MRPL10: variants seen among roughly 807,000 people sequenced by gnomAD.
MRPL10 encodes the protein large ribosomal subunit protein uL10m.
A neutral mutation model predicts 19.8 loss-of-function variants in MRPL10; 14 were observed. That is an observed-to-expected ratio of 0.71 (90% CI 0.47 to 1.11). MRPL10 has a LOEUF of 1.11. Among genes scored for constraint, MRPL10 ranks in the 50% least tolerant of loss-of-function variants. MRPL10 has a pLI of 0.00. For synonymous variants in MRPL10, 129 were observed against 139.2 expected (o/e 0.93, Z 0.52); for missense variants, 318 against 339.6 (o/e 0.94, Z 0.50).
At chr17:47,826,537 G>A in intron 4 of MRPL10, 100 bp downstream of exon 4, 1 of 1,427,254 alleles carries the variant, frequency 7.0e-7, no homozygotes, top group Admixed American at 1.9e-5. Flanking sequence ...GTGAAAGGAT[G>A]CTCTCTCCAA....
intron 1 of MRPL10, among the ~76,000 whole-genome samples, chr17:47,830,752 C>T (rs1357068020): frequency 3.9e-5 from 6 of 152,276 alleles, no homozygotes; most frequent in Non-Finnish European, 4.4e-5. Flanking sequence ...GTGTTCCCTC[C>T]GCCTCAGCCT....
At chr17:47,826,971 T>C in intron 3 of MRPL10, 69 bp downstream of exon 3, 2 of 1,508,872 alleles carry the variant, frequency 1.3e-6, no homozygotes, top group Non-Finnish European at 1.8e-6. Context: ...GGGGAGCAGA[T>C]GGTGAGGTCT....
intron 4 of MRPL10, among the ~76,000 whole-genome samples, chr17:47,825,696 G>A (rs780932381): frequency 1.7e-4 from 26 of 152,162 alleles, no homozygotes; most frequent in Admixed American, 1.4e-3. Context: ...AAGACAAAAC[G>A]TTCTGGAGAT....
rs191583611 is a variant in MRPL10, at chr17:47,828,087, C to T, written c.222+414G>A. 1.2e-3 allele frequency among the ~76,000 whole-genome samples: 189 copies of T among 151,572 alleles called. 1 individual carries two copies. The highest frequency in any genetic ancestry group is 4.4e-3 in the African/African-American group (181 of 41,272). Reference sequence around the variant, plus strand: ...GCATGGTGGTACATGCCTGTAATCCCAGCTACTCAGGAGGCTGAGGCAGGA... The same window carrying T: ...GCATGGTGGTACATGCCTGTAATCCTAGCTACTCAGGAGGCTGAGGCAGGA... On this transcript the variant is annotated intron_variant, in intron 2 of 4. Coordinates refer to ENST00000351111, the MANE Select transcript of MRPL10 (RefSeq NM_145255.4).
intron 4 of MRPL10, among the ~76,000 whole-genome samples, chr17:47,824,791 A>C (rs2033502677): frequency 6.6e-6 from 1 of 152,142 alleles, no homozygotes; most frequent in African/African-American, 2.4e-5. Context: ...AGGCAGGCAG[A>C]TCACCTGAGG....
chr17:47,826,445 G>A (rs987892989), intron 4 of MRPL10, among the ~76,000 whole-genome samples, 192 bp downstream of exon 4: 2 of 152,190 alleles, frequency 1.3e-5, no homozygotes, highest in Non-Finnish European at 2.9e-5. Flanking sequence ...CAGTGCAGAA[G>A]TGACCTGGGG....
chr17:47,828,519 A>T lies in MRPL10; in HGVS notation c.204T>A (p.Pro68=), dbSNP rs2033571508. ...PAIHPSCLPS[P]PSPPQEEIGL... The stretch of plus-strand genomic sequence containing the variant: ...TCCTTACCTCCTGTGGGGGGCTGGG[A>T]GGAGATGGCAGGCATGATGGGTGGA... Residue 68 remains proline, a synonymous_variant, in exon 2 of 5, where the codon CCT becomes CCA. Transcript: ENST00000351111. The T allele has an allele frequency of 1.4e-6, 2 of 1,447,348 alleles. No homozygotes were observed. Among genetic ancestry groups the T allele is most frequent in the African/African-American group, 3.0e-5 (2 of 67,286 alleles). The allele number at this position is 1,447,348 out of a possible 1,614,324, so 89.7% of individuals were successfully genotyped here. A position where few individuals can be genotyped will look rare whatever the true frequency, so the allele number is the denominator to read the frequency against.
intron 3 of MRPL10, 113 bp downstream of exon 3, chr17:47,826,927 C>G: frequency 6.9e-7 from 1 of 1,456,818 alleles, no homozygotes; most frequent in South Asian, 1.3e-5. Context: ...TAGAGGGTGA[C>G]TCATGGAGAG....
Position 47,828,696 on chromosome 17 carries a change from T to C in MRPL10, c.53-26A>G, listed in dbSNP as rs566387941. The C allele has an allele frequency of 3.3e-6, 5 of 1,495,348 alleles. No homozygotes were observed. The South Asian group carries it at 5.6e-5, about 17-fold the overall frequency. The allele number at this position is 1,495,348 out of a possible 1,614,324, so 92.6% of individuals were successfully genotyped here. ...CTGGGAGGGCATATAGCAACATGGT[T>C]AGAGGCAACCTCCTGGAGGCCCTAG... On this transcript the variant is annotated intron_variant, in intron 1 of 4. Coordinates refer to ENST00000351111, the MANE Select transcript of MRPL10 (RefSeq NM_145255.4).
chr17:47,827,585 T>C (rs1462581248), intron 2 of MRPL10, among the ~76,000 whole-genome samples: 1 of 152,146 alleles, frequency 6.6e-6, no homozygotes, highest in Non-Finnish European at 1.5e-5. Context: ...TATAACTCTT[T>C]TGCAGTGTTA....
In MRPL10 at chr17:47,824,113, C is replaced by T. The variant is rs955226206; in HGVS notation, c.*92G>A. 5 of 1,559,842 alleles carry T rather than the reference C, an allele frequency of 3.2e-6. No homozygotes were observed. The highest frequency in any genetic ancestry group is 3.4e-5 in the Admixed American group (2 of 58,354). ...TGAAAACCAAGTGACAAACACACTC[C>T]CCGACCCCAAGTTCTTCCACATGTC... On this transcript the variant is annotated 3_prime_UTR_variant, in exon 5 of 5. Transcript: ENST00000351111.
At chr17:47,830,105 T>C (rs1181902743) in intron 1 of MRPL10, among the ~76,000 whole-genome samples, 2 of 152,114 alleles carry the variant, frequency 1.3e-5, no homozygotes, top group African/African-American at 2.4e-5. Flanking sequence ...CATGCTAAAG[T>C]TTGAAAACCA....
chr17:47,831,359 C>T, intron 1 of MRPL10, 101 bp downstream of exon 1: 1 of 1,540,746 alleles, frequency 6.5e-7, no homozygotes, highest in Non-Finnish European at 8.7e-7. Context: ...AGCGATCTAG[C>T]TGGGGTCAGA....
intron 4 of MRPL10, 146 bp from the exon 5 acceptor site, chr17:47,824,604 C>T (rs2033499936): frequency 1.2e-6 from 1 of 857,640 alleles, no homozygotes; most frequent in Non-Finnish European, 1.7e-6. Context: ...CCCCACACCA[C>T]ACCCACTCTG....
rs1384142610 is a variant in MRPL10, at chr17:47,824,158, CAAT to C, written c.*44_*46del. Reference sequence around the variant, plus strand: ...CATGTCCCATTGAGGAGAGCACAGCCAATAACGCAGAGTGTATTTATGCGCAGG... The same window carrying C: ...CATGTCCCATTGAGGAGAGCACAGCCAACGCAGAGTGTATTTATGCGCAGG... On this transcript the variant is annotated 3_prime_UTR_variant, in exon 5 of 5. Coordinates refer to ENST00000351111, the MANE Select transcript of MRPL10 (RefSeq NM_145255.4). 6.2e-7 allele frequency: 1 copy of C among 1,612,352 alleles called. No individual in the cohort carries two copies. The highest frequency in any genetic ancestry group is 8.5e-7 in the Non-Finnish European group (1 of 1,179,450).
intron 1 of MRPL10, chr17:47,831,172 G>A (rs955211639): frequency 1.6e-5 from 11 of 671,298 alleles, no homozygotes; most frequent in Non-Finnish European, 2.6e-5. Context: ...ACGGGGCTAA[G>A]GAGTCAAGGG....
At position 47,823,639 on chromosome 17, in the gene MRPL10, G is replaced by C. The variant is rs1295516881; in HGVS notation, c.*566C>G. On this transcript the variant is annotated 3_prime_UTR_variant, in exon 5 of 5. Coordinates refer to ENST00000351111, the MANE Select transcript of MRPL10 (RefSeq NM_145255.4). ...ACGCGGTCTTCAGAGCAGAGGGCTT[G>C]GTTCAAGTCCCTGTTCTGCCACTTA... 5.1e-5 allele frequency: 8 copies of C among 156,940 alleles called. No homozygotes were observed. Among genetic ancestry groups the C allele is most frequent in the African/African-American group, 1.2e-4 (5 of 41,458 alleles). The allele number at this position is 156,940 out of a possible 1,614,324, so 9.7% of individuals were successfully genotyped here.
chr17:47,826,819 G>A (rs1567950022), intron 3 of MRPL10, 38 bp from the exon 4 acceptor site: 1 of 1,613,252 alleles, frequency 6.2e-7, no homozygotes, highest in South Asian at 1.1e-5. Context: ...TCGGGGACAA[G>A]TGGGAGGAAG....
At chr17:47,829,904 A>G (rs77173103) in intron 1 of MRPL10, among the ~76,000 whole-genome samples, 21 of 151,854 alleles carry the variant, frequency 1.4e-4, no homozygotes, top group South Asian at 4.1e-4. Flanking sequence ...CAAAAAAAAA[A>G]AAAGAAAGAA....
Sources: allele counts gnomAD v4.1 joint callset (sites outside exome capture counted in the v4.1 genomes callset), GRCh38; gene constraint gnomAD v4.1.1; transcripts MANE v1.5; gene names NCBI Gene and HGNC (gene_info 2026-07-23, HGNC 2026-07-21).